Variants in POLR3B observed in about 807,000 individuals in gnomAD.
POLR3B encodes the protein RNA polymerase III subunit B, also known as DNA-directed RNA polymerase III subunit RPC2.
A neutral mutation model predicts 147.4 loss-of-function variants in POLR3B; 96 were observed. That is an observed-to-expected ratio of 0.65 (90% CI 0.55 to 0.77). POLR3B has a LOEUF of 0.77. Among genes scored for constraint, POLR3B ranks in the 30% least tolerant of loss-of-function variants. POLR3B has a pLI of 0.00. For missense variants in POLR3B, 1,036 were observed against 1,413.5 expected, an observed-to-expected ratio of 0.73 and a Z score of 4.28; for synonymous variants, 461 against 485.9, an observed-to-expected ratio of 0.95 and a Z score of 0.67.
At chr12:106,486,039 C>A (rs192808040) in intron 23 of POLR3B, among the ~76,000 whole-genome samples, 2,131 of 152,022 alleles carry the variant, frequency 0.014, 50 homozygotes, top group African/African-American at 0.049. Context: ...CCTGTAATCC[C>A]AGCACTTTGG....
At chr12:106,489,978 C>T (rs745965230) in intron 23 of POLR3B, among the ~76,000 whole-genome samples, 3 of 152,094 alleles carry the variant, frequency 2.0e-5, no homozygotes, top group Non-Finnish European at 4.4e-5. Context: ...AGTTTCAGTC[C>T]AAAACCAAAA....
intron 26 of POLR3B, among the ~76,000 whole-genome samples, chr12:106,503,371 C>T (rs2038632899): frequency 6.6e-6 from 1 of 152,158 alleles, no homozygotes; most frequent in Non-Finnish European, 1.5e-5. Context: ...TGGAATACAG[C>T]AAACAAGGGG....
intron 15 of POLR3B, among the ~76,000 whole-genome samples, chr12:106,433,128 A>G (rs2037531965): frequency 6.6e-6 from 1 of 151,914 alleles, no homozygotes; most frequent in African/African-American, 2.4e-5. Flanking sequence ...ACTCTTTTTT[A>G]TATCTGCTGG....
In POLR3B at chr12:106,496,485, C is replaced by A; in HGVS notation, c.2818-267C>A. 3 of 598,776 alleles carry A rather than the reference C, an allele frequency of 5.0e-6. No homozygotes were observed. In the East Asian group the frequency reaches 8.4e-5, roughly 17 times the overall value. 37.1% of individuals were successfully genotyped at this position (598,776 alleles called of 1,614,324 possible). ...TTATTTTTAGTGATCCTGGCTCCAC[C>A]TCTTACCAGCTGTGTGGCCTTGGAC... On this transcript the variant is annotated intron_variant, in intron 24 of 27. Transcript: ENST00000228347.
chr12:106,404,170 A>C (rs2037117058), intron 10 of POLR3B, among the ~76,000 whole-genome samples: 1 of 150,646 alleles, frequency 6.6e-6, no homozygotes, highest in South Asian at 2.1e-4. Flanking sequence ...CGCTCACTGC[A>C]ATCTCCCTTT....
chr12:106,497,455 G>A lies in POLR3B; in HGVS notation c.2984+537G>A, dbSNP rs114237206. The stretch of plus-strand genomic sequence containing the variant: ...GAGGCTAGCCTGGGCAATATAGTGA[G>A]ACCTCGTCTCAAAAAATATAAAGTA... On this transcript the variant is annotated intron_variant, in intron 25 of 27. Coordinates refer to ENST00000228347, the MANE Select transcript of POLR3B (RefSeq NM_018082.6). Among the ~76,000 whole-genome samples, 380 of 152,122 alleles carry A rather than the reference G, an allele frequency of 2.5e-3. 2 individuals are homozygous for A. The highest frequency in any genetic ancestry group is 8.8e-3 in the African/African-American group (364 of 41,524).
rs541058699 is a variant in POLR3B at position 106,431,434 on chromosome 12, A to T, written c.1465-884A>T. 1.3e-3 allele frequency among the ~76,000 whole-genome samples: 197 copies of T among 152,300 alleles called. 2 individuals carry two copies. The highest frequency in any genetic ancestry group is 3.4e-3 in the Middle Eastern group (1 of 294). ...TGCAGCAGATGGTTCTAAGACCTGA[A>T]GATACAATCTTACAAGTCACCTGTC... On this transcript the variant is annotated intron_variant, in intron 14 of 27. Coordinates refer to ENST00000228347, the MANE Select transcript of POLR3B (RefSeq NM_018082.6).
chr12:106,450,238 T>C (rs771100954), intron 19 of POLR3B, among the ~76,000 whole-genome samples: 2 of 152,132 alleles, frequency 1.3e-5, no homozygotes, highest in Non-Finnish European at 2.9e-5. Context: ...ACAAAAAATA[T>C]ATTATAGCCC....
Position 106,504,343 on chromosome 12 carries a change from C to A in POLR3B, c.3272+89C>A. On this transcript the variant is annotated intron_variant, in intron 27 of 27. Transcript: ENST00000228347. This position sits in a 1 kb window ranked among gnomAD's most constrained non-coding sequence, Gnocchi z 4.6. Reference sequence around the variant, plus strand: ...TGACCCTGGATCCTATCCGCATATTCTCCAGCCTCTGTCTGTGATCACTAA... The same window carrying A: ...TGACCCTGGATCCTATCCGCATATTATCCAGCCTCTGTCTGTGATCACTAA... The A allele has an allele frequency of 1.9e-6, 2 of 1,050,322 alleles. No individual in the cohort carries two copies. Among genetic ancestry groups the A allele is most frequent in the Non-Finnish European group, 3.0e-6 (2 of 667,858 alleles). The allele number at this position is 1,050,322 out of a possible 1,614,324, so 65.1% of individuals were successfully genotyped here.
chr12:106,361,143 A>G (rs2036464460), intron 1 of POLR3B, among the ~76,000 whole-genome samples: 2 of 152,218 alleles, frequency 1.3e-5, no homozygotes. Flanking sequence ...ACATGAGGAC[A>G]TGTACACTGG....
At chr12:106,366,971 T>C (rs2036544203) in intron 4 of POLR3B, among the ~76,000 whole-genome samples, 1 of 152,138 alleles carries the variant, frequency 6.6e-6, no homozygotes. Context: ...GGCGTGGTGG[T>C]GCACATCTGT....
chr12:106,475,450 A>G (rs2137050268), intron 23 of POLR3B, among the ~76,000 whole-genome samples: 1 of 104,204 alleles, frequency 9.6e-6, no homozygotes, highest in Non-Finnish European at 1.9e-5. Flanking sequence ...TGATCTGTCT[A>G]ATGTTGACAG....
At chr12:106,438,352 G>C (rs1270747895) in intron 18 of POLR3B, among the ~76,000 whole-genome samples, 10 of 152,008 alleles carry the variant, frequency 6.6e-5, no homozygotes. Context: ...GTATTACAAA[G>C]CAGCTAACAA....
intron 12 of POLR3B, among the ~76,000 whole-genome samples, chr12:106,415,316 A>G (rs939467279): frequency 2.0e-5 from 3 of 152,232 alleles, no homozygotes; most frequent in African/African-American, 7.2e-5. Flanking sequence ...GGTTAATGGA[A>G]GATACCAAGT....
intron 13 of POLR3B, among the ~76,000 whole-genome samples, chr12:106,428,112 A>C (rs1167343964): frequency 1.3e-5 from 2 of 152,208 alleles, no homozygotes; most frequent in African/African-American, 4.8e-5. Flanking sequence ...TGACAGCTAC[A>C]TCTAAATTTG....
intron 21 of POLR3B, among the ~76,000 whole-genome samples, chr12:106,458,166 G>C (rs577020023): frequency 3.5e-4 from 53 of 152,010 alleles, no homozygotes; most frequent in Non-Finnish European, 7.1e-4. Context: ...CTGTCACTGA[G>C]GCTGGAGTGC....
intron 23 of POLR3B, among the ~76,000 whole-genome samples, chr12:106,476,900 G>A (rs1026822310): frequency 3.3e-5 from 5 of 151,788 alleles, no homozygotes; most frequent in African/African-American, 4.9e-5. Flanking sequence ...GCTTTGTTCC[G>A]TTGCTGGTGA....
chr12:106,388,679 T>G (rs2036875768), intron 9 of POLR3B, among the ~76,000 whole-genome samples: 2 of 152,240 alleles, frequency 1.3e-5, no homozygotes, highest in South Asian at 4.1e-4. Flanking sequence ...AGTTCTCTTA[T>G]TACCTGCTGG....
chr12:106,460,164 G>A lies in POLR3B; in HGVS notation c.2570+796G>A, dbSNP rs149887244. ...CAACCATCCTGCCTCTTGTGCCAGC[G>A]ATATAGAGCTGAAATAAGCCACAAG... On this transcript the variant is annotated intron_variant, in intron 22 of 27. Transcript: ENST00000228347. 2.8e-3 allele frequency among the ~76,000 whole-genome samples: 428 copies of A among 152,222 alleles called. 3 individuals carry two copies. The highest frequency in any genetic ancestry group is 9.8e-3 in the African/African-American group (406 of 41,532).
Sources: allele counts gnomAD v4.1 joint callset (sites outside exome capture counted in the v4.1 genomes callset), GRCh38; gene constraint gnomAD v4.1.1; non-coding constraint Gnocchi (gnomAD v3.1); transcripts MANE v1.5; gene names NCBI Gene and HGNC (gene_info 2026-07-23, HGNC 2026-07-21).